The following ETV6 variants were observed in gnomAD, a reference collection of about 807,000 sequenced individuals.
The protein encoded by ETV6 is ETS variant transcription factor 6.
ETV6 carries 16 observed loss-of-function variants against 51.1 expected under a neutral mutation model. The ratio of observed to expected loss-of-function variants is 0.31; its 90% CI spans 0.21 to 0.48. ETV6 has a LOEUF of 0.48. ETV6 is among the 20% of genes least tolerant of loss of function. The pLI is 0.99. For missense variants in ETV6, 458 were observed against 594.8 expected, an observed-to-expected ratio of 0.77 and a Z score of 2.39; for synonymous variants, 240 against 224.1, an observed-to-expected ratio of 1.07 and a Z score of -0.64.
At chr12:11,716,001 G>A (rs1254661231) in intron 1 of ETV6, among the ~76,000 whole-genome samples, 2 of 152,172 alleles carry the variant, frequency 1.3e-5, no homozygotes, top group East Asian at 1.9e-4. Flanking sequence ...AGGAATTTGC[G>A]GAACACTCTG....
intron 1 of ETV6, among the ~76,000 whole-genome samples, chr12:11,677,859 C>T (rs34038917): frequency 0.032 from 4,915 of 152,324 alleles, 97 homozygotes; most frequent in Admixed American, 0.058. Flanking sequence ...TTGACATACA[C>T]CTGCTCATCC....
At chr12:11,829,169 A>G (rs1233006476) in intron 2 of ETV6, among the ~76,000 whole-genome samples, 3 of 152,190 alleles carry the variant, frequency 2.0e-5, no homozygotes, top group Non-Finnish European at 4.4e-5. Context: ...TGCTTGCTCC[A>G]GCTTCTGCAG....
Position 11,700,771 on chromosome 12 carries a change from C to T in ETV6, c.33+50611C>T, listed in dbSNP as rs561406113. 1.1e-4 allele frequency among the ~76,000 whole-genome samples: 17 copies of T among 152,190 alleles called. No homozygotes were observed. In the South Asian group the frequency reaches 1.2e-3, roughly 11 times the overall value. On this transcript the variant is annotated intron_variant, in intron 1 of 7. Coordinates refer to ENST00000396373, the MANE Select transcript of ETV6 (RefSeq NM_001987.5). ...TTGAGTAGGCTGAAGAGGGCTTGGT[C>T]TTGCTGTCTCAGGGTGGCAGAGGTG...
At chr12:11,845,253 A>T (rs1319364950) in intron 3 of ETV6, among the ~76,000 whole-genome samples, 1 of 152,230 alleles carries the variant, frequency 6.6e-6, no homozygotes, top group East Asian at 1.9e-4. Flanking sequence ...AAACTTACTA[A>T]ACTTAAGAAG....
At chr12:11,722,192 C>T (rs1326462672) in intron 1 of ETV6, among the ~76,000 whole-genome samples, 1 of 152,164 alleles carries the variant, frequency 6.6e-6, no homozygotes, top group Non-Finnish European at 1.5e-5. Flanking sequence ...CTTCTCCCAC[C>T]AAGTCTTTAT....
At chr12:11,746,248 T>A (rs1565509188) in intron 1 of ETV6, among the ~76,000 whole-genome samples, 1 of 152,220 alleles carries the variant, frequency 6.6e-6, no homozygotes, top group South Asian at 2.1e-4. Context: ...AAGTCATTGT[T>A]GACTGGTTGG....
chr12:11,866,278 G>C (rs1217550882), intron 4 of ETV6, among the ~76,000 whole-genome samples: 1 of 151,938 alleles, frequency 6.6e-6, no homozygotes, highest in Non-Finnish European at 1.5e-5. Flanking sequence ...TTTAGGGCTT[G>C]AACTTATTTA....
Position 11,892,515 on chromosome 12 carries a change from T to C in ETV6, c.*1469T>C, listed in dbSNP as rs2136620668. On this transcript the variant is annotated 3_prime_UTR_variant, in exon 8 of 8. Coordinates refer to ENST00000396373, the MANE Select transcript of ETV6 (RefSeq NM_001987.5). Reference sequence around the variant, plus strand: ...AAAGCTGTTTTAGATTTTTTTTTTTTTTCCTTTTCTAGCCATCTAAATTGA... The same window carrying C: ...AAAGCTGTTTTAGATTTTTTTTTTTCTTCCTTTTCTAGCCATCTAAATTGA... 1 of 233,102 alleles carries C rather than the reference T, an allele frequency of 4.3e-6. No individual in the cohort carries two copies. Among genetic ancestry groups the C allele is most frequent in the South Asian group, 1.8e-4 (1 of 5,528 alleles). The allele number at this position is 233,102 out of a possible 1,614,324, so 14.4% of individuals were successfully genotyped here. A position where few individuals can be genotyped will look rare whatever the true frequency, so the allele number is the denominator to read the frequency against.
At chr12:11,839,972 AAGAG>A (rs1418163551) in intron 3 of ETV6, among the ~76,000 whole-genome samples, 1 of 152,114 alleles carries the variant, frequency 6.6e-6, no homozygotes, top group Admixed American at 6.6e-5. Context: ...ACCGAAAACA[AAGAG>A]AGGAAGGAGA....
intron 5 of ETV6, among the ~76,000 whole-genome samples, chr12:11,882,987 A>G (rs1042880136): frequency 3.9e-5 from 6 of 152,246 alleles, no homozygotes; most frequent in African/African-American, 1.4e-4. Context: ...GATCAGAAAT[A>G]ATACAGGTAA....
At chr12:11,707,145 C>T (rs1050375994) in intron 1 of ETV6, among the ~76,000 whole-genome samples, 5 of 152,090 alleles carry the variant, frequency 3.3e-5, no homozygotes, top group Non-Finnish European at 5.9e-5. Context: ...TAAACAAGAG[C>T]GCTCAATTGC....
chr12:11,877,305 T>TA (rs1210430948), intron 5 of ETV6, among the ~76,000 whole-genome samples: 1 of 149,008 alleles, frequency 6.7e-6, no homozygotes, highest in Non-Finnish European at 1.5e-5. Flanking sequence ...CTATAGACTT[T>TA]TTTTTTTTTT....
chr12:11,692,205 C>T (rs1864780198), intron 1 of ETV6, among the ~76,000 whole-genome samples: 2 of 151,938 alleles, frequency 1.3e-5, no homozygotes, highest in African/African-American at 2.4e-5. Context: ...GGACTGGTGG[C>T]TTTATAAGAA....
intron 1 of ETV6, chr12:11,750,910 G>T: frequency 2.2e-6 from 1 of 461,264 alleles, no homozygotes; most frequent in Non-Finnish European, 4.1e-6. Flanking sequence ...TAAAGTTCAA[G>T]AAAAGTGCAG....
At chr12:11,725,611 G>A (rs1475827237) in intron 1 of ETV6, among the ~76,000 whole-genome samples, 1 of 152,186 alleles carries the variant, frequency 6.6e-6, no homozygotes, top group Non-Finnish European at 1.5e-5. Context: ...CAAACCTCAT[G>A]TTGAGACCTG....
intron 4 of ETV6, among the ~76,000 whole-genome samples, chr12:11,868,876 G>A (rs909559158): frequency 6.6e-6 from 1 of 152,090 alleles, no homozygotes. Context: ...CAGGCCACAG[G>A]TAGGTCATTA....
chr12:11,673,418 A>G (rs1864357405), intron 1 of ETV6, among the ~76,000 whole-genome samples: 1 of 152,178 alleles, frequency 6.6e-6, no homozygotes, highest in African/African-American at 2.4e-5. Context: ...ATCAAGAGGA[A>G]AGCACTGTTA....
chr12:11,867,714 G>T (rs1338154419), intron 4 of ETV6, among the ~76,000 whole-genome samples: 1 of 152,124 alleles, frequency 6.6e-6, no homozygotes, highest in Non-Finnish European at 1.5e-5. Flanking sequence ...TATCTTAATG[G>T]ACAAAGGTGA....
intron 2 of ETV6, among the ~76,000 whole-genome samples, chr12:11,803,937 ATCT>A (rs2136407276): frequency 6.6e-6 from 1 of 152,314 alleles, no homozygotes; most frequent in East Asian, 1.9e-4. Context: ...CATCATCATC[ATCT>A]TCTGATCTTC....
Sources: allele counts gnomAD v4.1 joint callset (sites outside exome capture counted in the v4.1 genomes callset), GRCh38; gene constraint gnomAD v4.1.1; transcripts MANE v1.5; gene names NCBI Gene and HGNC (gene_info 2026-07-23, HGNC 2026-07-21).